PLAGL1: variants seen among roughly 807,000 people sequenced by gnomAD.
PLAGL1 encodes zinc finger protein PLAGL1.
In PLAGL1, 1 loss-of-function variant was observed where a neutral mutation model predicts 4.6. The ratio of observed to expected loss-of-function variants is 0.22; its 90% CI spans 0.08 to 1.03. The LOEUF is 1.03. Ranked by LOEUF, PLAGL1 falls within the 50% of genes least tolerant of loss-of-function variation. The probability of loss-of-function intolerance (pLI) is 0.58; values close to 1 mark genes in which losing one functional copy is unlikely to be tolerated. For missense variants in PLAGL1, 464 were observed against 570.4 expected, an observed-to-expected ratio of 0.81 and a Z score of 1.90; for synonymous variants, 240 against 237.8, an observed-to-expected ratio of 1.01 and a Z score of -0.08.
chr6:143,968,038 G>T lies in PLAGL1; in HGVS notation c.-472+869C>A, dbSNP rs1784775725. ...AAAAAACAGTCTGGAGAGAGGCCAA[G>T]AGTTATGGTTAAGCAACAGCACTGC... is the stretch of plus-strand genomic sequence containing the variant. On this transcript the variant is annotated intron_variant, in intron 3 of 7. Transcript: ENST00000674357. The surrounding 1 kb of genome is among the most constrained non-coding windows in gnomAD (Gnocchi z 6.3). The T allele has an allele frequency of 7.0e-6, 1 of 142,456 alleles. No homozygotes were observed. The highest frequency in any genetic ancestry group is 2.6e-5 in the African/African-American group (1 of 38,756). 8.8% of individuals were successfully genotyped at this position (142,456 alleles called of 1,614,324 possible). A position where few individuals can be genotyped will look rare whatever the true frequency, so the allele number is the denominator to read the frequency against.
chr6:144,061,061 G>A lies in PLAGL1; in HGVS notation c.-151+3407C>T, dbSNP rs1260293326. Reference sequence around the variant, plus strand: ...ACTTATAAGCCTCAGAAAGAAAAATGTAATTTTCAAAGAAATTTACAATTG... The same window carrying A: ...ACTTATAAGCCTCAGAAAGAAAAATATAATTTTCAAAGAAATTTACAATTG... On this transcript the variant is annotated intron_variant, in intron 1 of 3. Coordinates refer to the PLAGL1 transcript ENST00000437412. This position sits in a 1 kb window ranked among gnomAD's most constrained non-coding sequence, Gnocchi z 4.4. Among the ~76,000 whole-genome samples, 8 of 152,210 alleles carry A rather than the reference G, an allele frequency of 5.3e-5. No individual in the cohort carries two copies. The South Asian group carries it at 1.0e-3, about 20-fold the overall frequency.
Position 144,055,008 on chromosome 6 carries a change from G to T in PLAGL1, c.-151+9460C>A, listed in dbSNP as rs912895056. Among the ~76,000 whole-genome samples, 8 of 152,136 alleles carry T rather than the reference G, an allele frequency of 5.3e-5. No homozygotes were observed. Among genetic ancestry groups the T allele is most frequent in the Admixed American group, 1.3e-4 (2 of 15,262 alleles). On this transcript the variant is annotated intron_variant, in intron 1 of 3. Coordinates refer to the PLAGL1 transcript ENST00000437412. This position sits in a 1 kb window ranked among gnomAD's most constrained non-coding sequence, Gnocchi z 5.0. ...GTACAAATTAAAACACGAGGAAAATGCATTAACCCAGCACCTTTTCAACAT... is the reference window on the plus strand; with the variant it reads ...GTACAAATTAAAACACGAGGAAAATTCATTAACCCAGCACCTTTTCAACAT...
At chr6:144,038,198 A>G (rs1005809482) in intron 1 of PLAGL1, among the ~76,000 whole-genome samples, 69 of 152,224 alleles carry the variant, frequency 4.5e-4, no homozygotes, top group African/African-American at 1.6e-3. Flanking sequence ...ATAAAGCTAC[A>G]TGTGTTAAGA....
intron 1 of PLAGL1, among the ~76,000 whole-genome samples, chr6:144,051,619 C>T (rs1485004806): frequency 6.6e-6 from 1 of 152,136 alleles, no homozygotes; most frequent in Non-Finnish European, 1.5e-5. Flanking sequence ...AAAGACATAT[C>T]ATAACTATGA....
In PLAGL1 at chr6:143,959,003, ACTCT is replaced by A. The variant is rs377730744; in HGVS notation, c.-325+1462_-325+1465del. Reference sequence around the variant, plus strand: ...CCAGTTCAATGGGGGAGGAATGTGAACTCTCTGAGTAGCTGTCCTTGCAATCCAC... The same window carrying A: ...CCAGTTCAATGGGGGAGGAATGTGAACTGAGTAGCTGTCCTTGCAATCCAC... On this transcript the variant is annotated intron_variant, in intron 6 of 7. Coordinates refer to ENST00000674357, the MANE Select transcript of PLAGL1 (RefSeq NM_001317162.2). The surrounding 1 kb of genome is among the most constrained non-coding windows in gnomAD (Gnocchi z 5.3). Among the ~76,000 whole-genome samples, 599 of 152,270 alleles carry A rather than the reference ACTCT, an allele frequency of 3.9e-3. 7 individuals carry two copies. Among genetic ancestry groups the A allele is most frequent in the African/African-American group, 0.014 (583 of 41,552 alleles).
intron 2 of PLAGL1, among the ~76,000 whole-genome samples, chr6:143,974,850 T>G (rs546425220): frequency 6.6e-6 from 1 of 152,324 alleles, no homozygotes; most frequent in South Asian, 2.1e-4. Flanking sequence ...TCTGGAAACT[T>G]GCTACATTTC....
chr6:143,955,185 A>G lies in PLAGL1; in HGVS notation c.-325+5284T>C. Among the ~76,000 whole-genome samples the G allele has an allele frequency of 6.6e-6, 1 of 152,198 alleles. No homozygotes were observed. Among genetic ancestry groups the G allele is most frequent in the East Asian group, 1.9e-4 (1 of 5,198 alleles). Reference sequence around the variant, plus strand: ...ACCATCTCTTGCTTGGGAGATCAAGAAAGGTGTCACAGAGAAGTAAAAGTT... The same window carrying G: ...ACCATCTCTTGCTTGGGAGATCAAGGAAGGTGTCACAGAGAAGTAAAAGTT... On this transcript the variant is annotated intron_variant, in intron 6 of 7. Coordinates refer to ENST00000674357, the MANE Select transcript of PLAGL1 (RefSeq NM_001317162.2). This position sits in a 1 kb window ranked among gnomAD's most constrained non-coding sequence, Gnocchi z 4.9.
rs1006739260 is a variant in PLAGL1, at chr6:144,015,477, G to A, written c.-150-46499C>T. Among the ~76,000 whole-genome samples, 1 of 152,000 alleles carries A rather than the reference G, an allele frequency of 6.6e-6. No homozygotes were observed. The highest frequency in any genetic ancestry group is 2.4e-5 in the African/African-American group (1 of 41,370). The stretch of plus-strand genomic sequence containing the variant: ...CCTGATCTTTAAAAGAGACCATTAA[G>A]GAAAAAAATCTAAGCCACATGGGAA... On this transcript the variant is annotated intron_variant, in intron 1 of 3. Transcript: ENST00000437412. The surrounding 1 kb of genome is among the most constrained non-coding windows in gnomAD (Gnocchi z 4.3).
In PLAGL1 at chr6:143,975,170, T is replaced by C. The variant is rs1786230254; in HGVS notation, c.-543-6192A>G. 6.6e-6 allele frequency among the ~76,000 whole-genome samples: 1 copy of C among 152,152 alleles called. No individual in the cohort carries two copies. On this transcript the variant is annotated intron_variant, in intron 2 of 7. Transcript: ENST00000674357. The surrounding 1 kb of genome is among the most constrained non-coding windows in gnomAD (Gnocchi z 5.8). ...ATCTTTGAGTCTCATGCTGTTTCCA[T>C]TACACCAGCTACCATGTACTGGGGA...
At chr6:144,020,882 A>G (rs1274026655) in intron 1 of PLAGL1, among the ~76,000 whole-genome samples, 1 of 146,708 alleles carries the variant, frequency 6.8e-6, no homozygotes, top group Non-Finnish European at 1.5e-5. Context: ...ATATAGTATA[A>G]TTTATATAAT....
Position 144,050,098 on chromosome 6 carries a change from T to C in PLAGL1, c.-151+14370A>G, listed in dbSNP as rs1274275547. On this transcript the variant is annotated intron_variant, in intron 1 of 3. Transcript: ENST00000437412. This position sits in a 1 kb window ranked among gnomAD's most constrained non-coding sequence, Gnocchi z 4.3. ...GAATGAAGTAGGAGAGTAGTTATTT[T>C]TCATGAAAGCAAGTAAGGGTGCTTA... is the stretch of plus-strand genomic sequence containing the variant. Among the ~76,000 whole-genome samples the C allele has an allele frequency of 6.6e-6, 1 of 152,108 alleles. No homozygotes were observed. The highest frequency in any genetic ancestry group is 6.5e-5 in the Admixed American group (1 of 15,276).
rs1291761691 is a variant in PLAGL1, at chr6:144,034,354, C to T, written c.-151+30114G>A. Among the ~76,000 whole-genome samples the T allele has an allele frequency of 1.3e-5, 2 of 152,184 alleles. No homozygotes were observed. The highest frequency in any genetic ancestry group is 2.9e-5 in the Non-Finnish European group (2 of 68,036). ...GACTCAGGCTGCTGGGCACACAGCCCCCAGGCTGACTGGAAGACGGGGCTC... is the reference window on the plus strand; with the variant it reads ...GACTCAGGCTGCTGGGCACACAGCCTCCAGGCTGACTGGAAGACGGGGCTC... On this transcript the variant is annotated intron_variant, in intron 1 of 3. Coordinates refer to the PLAGL1 transcript ENST00000437412. The surrounding 1 kb of genome is among the most constrained non-coding windows in gnomAD (Gnocchi z 4.7).
intron 1 of PLAGL1, chr6:144,007,373 G>C (rs934208706): frequency 6.6e-6 from 1 of 152,216 alleles, no homozygotes; most frequent in Non-Finnish European, 1.5e-5. Flanking sequence ...CTGCCTGGGA[G>C]GGAGGGGTTA....
intron 1 of PLAGL1, among the ~76,000 whole-genome samples, chr6:143,993,370 A>ACACACACACACACACAC (rs1790947795): frequency 6.8e-6 from 1 of 147,516 alleles, no homozygotes; most frequent in East Asian, 2.0e-4. Context: ...ACACACACAC[A>ACACACACACACACACAC]ATTGACATGT....
Position 144,059,393 on chromosome 6 carries a change from G to C in PLAGL1, c.-151+5075C>G, listed in dbSNP as rs1179106163. Among the ~76,000 whole-genome samples, 1 of 152,216 alleles carries C rather than the reference G, an allele frequency of 6.6e-6. No individual in the cohort carries two copies. On this transcript the variant is annotated intron_variant, in intron 1 of 3. Coordinates refer to the PLAGL1 transcript ENST00000437412. This position sits in a 1 kb window ranked among gnomAD's most constrained non-coding sequence, Gnocchi z 4.9. ...AATGTGACTCAGACCTACAGGTCTTGCTAAGGTTCCTCCACCAACTGGGCA... is the reference window on the plus strand; with the variant it reads ...AATGTGACTCAGACCTACAGGTCTTCCTAAGGTTCCTCCACCAACTGGGCA...
chr6:143,993,211 G>A (rs1790869186), intron 1 of PLAGL1, among the ~76,000 whole-genome samples: 1 of 151,724 alleles, frequency 6.6e-6, no homozygotes, highest in African/African-American at 2.4e-5. Flanking sequence ...GGCTGGGGCA[G>A]GAGAATTGCT....
chr6:143,984,566 G>C lies in PLAGL1; in HGVS notation c.-544+569C>G, dbSNP rs1270750718. Among the ~76,000 whole-genome samples the C allele has an allele frequency of 6.6e-6, 1 of 152,038 alleles. No individual in the cohort carries two copies. Among genetic ancestry groups the C allele is most frequent in the African/African-American group, 2.4e-5 (1 of 41,396 alleles). ...TGGTGGCTTCAAAAGAGGTGAAACA[G>C]AACCTGCTAGAACAAGATTCAAGAT... is the stretch of plus-strand genomic sequence containing the variant. On this transcript the variant is annotated intron_variant, in intron 2 of 7. Transcript: ENST00000674357. This position sits in a 1 kb window ranked among gnomAD's most constrained non-coding sequence, Gnocchi z 5.5.
At chr6:144,020,605 T>G (rs1165500781) in intron 1 of PLAGL1, among the ~76,000 whole-genome samples, 1 of 151,484 alleles carries the variant, frequency 6.6e-6, no homozygotes, top group Middle Eastern at 3.2e-3. Flanking sequence ...TTTTTAATGT[T>G]AATTTTATTC....
In PLAGL1 at chr6:143,989,391, G is replaced by A. The variant is rs79880643; in HGVS notation, c.-583-4217C>T. On this transcript the variant is annotated intron_variant, in intron 1 of 7. Transcript: ENST00000674357. This position sits in a 1 kb window ranked among gnomAD's most constrained non-coding sequence, Gnocchi z 4.8. ...ATCAACACTTGTGTTGGTGGAGTTC[G>A]GAGCATACCACCCTCCCAAATATGG... 2.7e-3 allele frequency among the ~76,000 whole-genome samples: 418 copies of A among 152,254 alleles called. 2 individuals are homozygous for A. The highest frequency in any genetic ancestry group is 9.8e-3 in the African/African-American group (406 of 41,544).
Sources: gnomAD v4.1 joint callset for allele counts (sites outside exome capture counted in the v4.1 genomes callset) on GRCh38, gnomAD v4.1.1 for gene constraint, Gnocchi (gnomAD v3.1) non-coding constraint, MANE v1.5 for transcripts, NCBI Gene and HGNC (gene_info 2026-07-23, HGNC 2026-07-21) for gene names.